The following USP6 variants were observed in gnomAD, a reference collection of about 807,000 sequenced individuals.
USP6 encodes ubiquitin carboxyl-terminal hydrolase 6.
In USP6, 128 loss-of-function variants were observed where a neutral mutation model predicts 175.7. The observed-to-expected ratio is 0.73, with a 90% CI of 0.63 to 0.84. The LOEUF is 0.84. Ranked by LOEUF, USP6 falls within the 40% of genes least tolerant of loss-of-function variation. The pLI is 0.00. For synonymous variants in USP6, 562 were observed against 630.6 expected (o/e 0.89, Z 1.63); for missense variants, 1,498 against 1,760.3 (o/e 0.85, Z 2.67).
chr17:5,138,098 C>A (rs746671945), intron 20 of USP6, 23 bp from the exon 21 acceptor site: 12 of 1,613,944 alleles, frequency 7.4e-6, no homozygotes, highest in Non-Finnish European at 3.4e-6. Flanking sequence ...ACTCTCCTGG[C>A]CTGATATCCA....
Position 5,142,072 on chromosome 17 carries a change from A to G in USP6, c.1643A>G (p.Gln548Arg), listed in dbSNP as rs369269543. The G allele has an allele frequency of 3.1e-6, 5 of 1,613,834 alleles. No individual in the cohort carries two copies. Among genetic ancestry groups the G allele is most frequent in the Middle Eastern group, 1.6e-4 (1 of 6,078 alleles). ...GNTCFMNSSI[Q>R]CVSNTQPLTQ... ...ACATGCTTCATGAACTCAAGCATCC[A>G]GTGCGTTAGTAACACACAGCCACTG... Residue 548 changes from glutamine to arginine, a missense_variant, in exon 24 of 38, where the codon CAG becomes CGG. Coordinates refer to ENST00000574788, the MANE Select transcript of USP6 (RefSeq NM_001304284.2).
rs1234263886 is a variant in USP6 at position 5,145,679 on chromosome 17, C to CAAA, written c.2167+100_2167+101insAAA. On this transcript the variant is annotated intron_variant, in intron 27 of 37. Transcript: ENST00000574788. ...ATAGTTATTTGTTTACAAATAAAGACTGGTAGTCAGCATATTATAATCGAG... is the reference window on the plus strand; with the variant it reads ...ATAGTTATTTGTTTACAAATAAAGACAAATGGTAGTCAGCATATTATAATCGAG... 1.1e-4 allele frequency: 156 copies of CAAA among 1,412,916 alleles called. No homozygotes were observed. In the African/African-American group the frequency reaches 1.8e-3, roughly 17 times the overall value. 87.5% of individuals were successfully genotyped at this position (1,412,916 alleles called of 1,614,324 possible).
chr17:5,174,144 AGTC>A lies in USP6; in HGVS notation c.*1167_*1169del, dbSNP rs1014052850. ...TTTGTCTTTTTTTAAATTTTACAGT[AGTC>A]ATTGAAAGTTATGTTTCTTTGCTTA... is the stretch of plus-strand genomic sequence containing the variant. On this transcript the variant is annotated 3_prime_UTR_variant, in exon 38 of 38. Transcript: ENST00000574788. 2.0e-5 allele frequency: 4 copies of A among 198,088 alleles called. No individual in the cohort carries two copies. The highest frequency in any genetic ancestry group is 4.6e-5 in the African/African-American group (2 of 43,468). 12.3% of individuals were successfully genotyped at this position (198,088 alleles called of 1,614,324 possible).
At chr17:5,149,106 A>G (rs116656695) in intron 30 of USP6, among the ~76,000 whole-genome samples, 3,573 of 152,182 alleles carry the variant, frequency 0.023, 142 homozygotes, top group African/African-American at 0.081. Context: ...CTTTCTTTAA[A>G]AATTTGTGTC....
Position 5,168,895 on chromosome 17 carries a change from G to A in USP6, c.3357G>A (p.Gln1119=). 6.2e-7 allele frequency: 1 copy of A among 1,613,926 alleles called. No homozygotes were observed. Among genetic ancestry groups the A allele is most frequent in the Non-Finnish European group, 8.5e-7 (1 of 1,179,862 alleles). The change falls in exon 35 of 38, where the codon CAG becomes CAA. Residue 1119 remains glutamine (Q), a synonymous_variant. Coordinates refer to ENST00000574788, the MANE Select transcript of USP6 (RefSeq NM_001304284.2). ...FLVPRDPALC[Q]HKPLTPQGDE... ...TACCACGAGACCCGGCCCTCTGCCA[G>A]CATAAACCACTCACACCCCAGGGGG...
intron 25 of USP6, among the ~76,000 whole-genome samples, chr17:5,143,196 C>T (rs550292070): frequency 6.6e-6 from 1 of 152,258 alleles, no homozygotes; most frequent in South Asian, 2.1e-4. Context: ...TCTGCCTGGC[C>T]GCCCCTACTG....
intron 31 of USP6, among the ~76,000 whole-genome samples, chr17:5,158,694 T>C (rs1318472121): frequency 2.3e-5 from 3 of 130,638 alleles, no homozygotes; most frequent in African/African-American, 8.9e-5. Context: ...CAGCCCGTAA[T>C]GTAAGAAGAA....
chr17:5,157,650 C>T (rs868629696), intron 31 of USP6, among the ~76,000 whole-genome samples: 1 of 151,534 alleles, frequency 6.6e-6, no homozygotes, highest in Non-Finnish European at 1.5e-5. Flanking sequence ...TGGCGGGGGG[C>T]GGGATGGAGT....
At position 5,135,864 on chromosome 17, in the gene USP6, G is replaced by T. The variant is rs754138256; in HGVS notation, c.600G>T (p.Leu200=). ...SHITALFLLY[L]PEEDAFWALV... ...TCACCGCCTTGTTCCTCCTTTATCT[G>T]CCTGAGGAGGACGCATTCTGGGCAC... Residue 200 remains leucine, a synonymous_variant, in exon 17 of 38, where the codon CTG becomes CTT. Coordinates refer to ENST00000574788, the MANE Select transcript of USP6 (RefSeq NM_001304284.2). 2.5e-6 allele frequency: 4 copies of T among 1,599,504 alleles called. No homozygotes were observed. Among genetic ancestry groups the T allele is most frequent in the Admixed American group, 1.7e-5 (1 of 60,010 alleles).
In USP6 at chr17:5,167,956, G is replaced by A; in HGVS notation, c.3061G>A (p.Glu1021Lys). ...ERVVDKHESV[E>K]QSRRAQAEPI... ...GGTTGTAGATAAGCATGAGAGTGTG[G>A]AGCAGAGTCGGCGAGCGCAAGCCGA... Residue 1021 changes from glutamate (E) to lysine (K), a missense_variant, in exon 34 of 38, where the codon GAG becomes AAG. Physicochemically the swap from Glu to Lys is moderately conservative, Grantham distance 56. Coordinates refer to ENST00000574788, the MANE Select transcript of USP6 (RefSeq NM_001304284.2). 3 of 1,611,850 alleles carry A rather than the reference G, an allele frequency of 1.9e-6. No homozygotes were observed. The highest frequency in any genetic ancestry group is 2.5e-6 in the Non-Finnish European group (3 of 1,179,758).
rs769780110 is a variant in USP6 at position 5,130,683 on chromosome 17, C to T, written c.154C>T (p.His52Tyr). 3 of 1,613,940 alleles carry T rather than the reference C, an allele frequency of 1.9e-6. No individual in the cohort carries two copies. In the East Asian group the frequency reaches 6.7e-5, roughly 36 times the overall value. The change falls in exon 11 of 38, where the codon CAT (histidine) becomes TAT (tyrosine). Residue 52 changes from histidine to tyrosine, a missense_variant and splice_region_variant. This residue lies in a region of USP6 where 281 missense variants were observed against 259.6 expected (regional missense o/e 1.08). Coordinates refer to ENST00000574788, the MANE Select transcript of USP6 (RefSeq NM_001304284.2). ...CAGCATTGATCGTTTTGGCATTTTG[C>T]AGTGAGTCATCCTCTATGCTCCCCT... is the stretch of plus-strand genomic sequence containing the variant. ...NSSIDRFGIL[H>Y]ETELPPVTAR...
rs755491645 is a variant in USP6 at position 5,133,476 on chromosome 17, A to C, written c.310A>C (p.Asn104His). 6.2e-7 allele frequency: 1 copy of C among 1,611,762 alleles called. No individual in the cohort carries two copies. Among genetic ancestry groups the C allele is most frequent in the Non-Finnish European group, 8.5e-7 (1 of 1,179,690 alleles). ...IDRVYKGIPM[N>H]IRGPVWSVLL... ...TCGAGTGTACAAGGGAATTCCCATGAACATCCGGGGCCCGGTGTGGTCAGT... is the reference window on the plus strand; with the variant it reads ...TCGAGTGTACAAGGGAATTCCCATGCACATCCGGGGCCCGGTGTGGTCAGT... The change falls in exon 14 of 38, where the codon AAC becomes CAC. Residue 104 changes from asparagine to histidine, a missense_variant. By Grantham distance (68) the Asn-to-His change is moderately conservative (BLOSUM62 1). Coordinates refer to ENST00000574788, the MANE Select transcript of USP6 (RefSeq NM_001304284.2).
intron 25 of USP6, among the ~76,000 whole-genome samples, chr17:5,143,727 C>T (rs904145735): frequency 1.1e-4 from 16 of 149,652 alleles, no homozygotes; most frequent in East Asian, 7.8e-4. Context: ...TCCCCCTCTG[C>T]GAGAAACACC....
intron 4 of USP6, among the ~76,000 whole-genome samples, chr17:5,123,580 GGCACGCCGGCCTGGGACCCCGTGTGC>G: frequency 1.3e-5 from 2 of 152,286 alleles, no homozygotes; most frequent in African/African-American, 4.8e-5. Flanking sequence ...ACACCGGGGG[GGCACGCCGGCCTGGGACCCCGTGTGC>G]GCACTCCCTG....
At chr17:5,133,143 G>A (rs367981363) in intron 13 of USP6, among the ~76,000 whole-genome samples, 153 bp downstream of exon 13, 1 of 152,178 alleles carries the variant, frequency 6.6e-6, no homozygotes, top group East Asian at 1.9e-4. Context: ...CAGATTGCCT[G>A]CCTATTCGTG....
chr17:5,167,249 G>T (rs1331026911), intron 33 of USP6, among the ~76,000 whole-genome samples: 1 of 152,154 alleles, frequency 6.6e-6, no homozygotes, highest in South Asian at 2.1e-4. Flanking sequence ...TACTAATAAT[G>T]CTCTGGCTTT....
chr17:5,173,447 A>C lies in USP6; in HGVS notation c.*469A>C, dbSNP rs1417245667. On this transcript the variant is annotated 3_prime_UTR_variant, in exon 38 of 38. Coordinates refer to ENST00000574788, the MANE Select transcript of USP6 (RefSeq NM_001304284.2). ...ATATTGACAAGATGGAGAAAGCAAG[A>C]TCATGAAGGTGTGCAAATGATTCTT... The C allele has an allele frequency of 4.5e-6, 1 of 223,308 alleles. No individual in the cohort carries two copies. The highest frequency in any genetic ancestry group is 2.2e-5 in the African/African-American group (1 of 44,740). 13.8% of individuals were successfully genotyped at this position (223,308 alleles called of 1,614,324 possible).
Position 5,144,490 on chromosome 17 carries a change from A to G in USP6, c.1819-200A>G, listed in dbSNP as rs375116205. On this transcript the variant is annotated intron_variant, in intron 25 of 37. Transcript: ENST00000574788. Reference sequence around the variant, plus strand: ...CTGAGGACACAGTATTGGCCAAAATACTTCTCTTTTTTTTTTTGGTCATTT... The same window carrying G: ...CTGAGGACACAGTATTGGCCAAAATGCTTCTCTTTTTTTTTTTGGTCATTT... Among the ~76,000 whole-genome samples the G allele has an allele frequency of 2.3e-4, 35 of 151,926 alleles. 1 individual carries two copies. The highest frequency in any genetic ancestry group is 6.8e-4 in the African/African-American group (28 of 41,444).
chr17:5,136,164 T>G (rs1246258274), intron 17 of USP6, among the ~76,000 whole-genome samples: 1 of 152,220 alleles, frequency 6.6e-6, no homozygotes, highest in African/African-American at 2.4e-5. Context: ...GGCCACCCTC[T>G]GTGTCCTGGA....
Sources: allele counts gnomAD v4.1 joint callset (sites outside exome capture counted in the v4.1 genomes callset), GRCh38; gene constraint gnomAD v4.1.1; regional missense constraint gnomAD v4.1.1; transcripts MANE v1.5; gene names NCBI Gene and HGNC (gene_info 2026-07-23, HGNC 2026-07-21).